The following MDGA2 variants were observed in gnomAD, a reference collection of about 807,000 sequenced individuals.
The protein encoded by MDGA2 is MAM domain-containing glycosylphosphatidylinositol anchor protein 2.
A neutral mutation model predicts 117.8 loss-of-function variants in MDGA2; 40 were observed. The ratio of observed to expected loss-of-function variants is 0.34; its 90% CI spans 0.26 to 0.44. The LOEUF (loss-of-function observed/expected upper bound fraction) is 0.44. Among genes scored for constraint, MDGA2 ranks in the 20% least tolerant of loss-of-function variants. MDGA2 has a pLI of 1.00. For synonymous variants in MDGA2, 452 were observed against 439.0 expected, an observed-to-expected ratio of 1.03 and a Z score of -0.37; for missense variants, 1,123 against 1,250.6, an observed-to-expected ratio of 0.90 and a Z score of 1.54.
chr14:47,601,219 G>A (rs1351514027), intron 1 of MDGA2, among the ~76,000 whole-genome samples: 1 of 152,108 alleles, frequency 6.6e-6, no homozygotes, highest in Non-Finnish European at 1.5e-5. Flanking sequence ...TGAGACAGGA[G>A]GCATGAAGAA....
At chr14:46,967,686 T>C (rs1886089702) in intron 8 of MDGA2, among the ~76,000 whole-genome samples, 1 of 152,138 alleles carries the variant, frequency 6.6e-6, no homozygotes, top group Non-Finnish European at 1.5e-5. Flanking sequence ...CCCTTATCCA[T>C]GCAAGATACA....
At chr14:46,936,010 A>G (rs1279459800) in intron 9 of MDGA2, among the ~76,000 whole-genome samples, 1 of 85,474 alleles carries the variant, frequency 1.2e-5, no homozygotes, top group African/African-American at 7.0e-5. Flanking sequence ...ATAATACTAA[A>G]TAAATAATAA....
At chr14:47,305,731 T>TA (rs2139824790) in intron 1 of MDGA2, among the ~76,000 whole-genome samples, 1 of 152,310 alleles carries the variant, frequency 6.6e-6, no homozygotes, top group African/African-American at 2.4e-5. Flanking sequence ...CTGCACCTGC[T>TA]AAAGGCTTAC....
At chr14:47,025,450 T>C (rs531455711) in intron 8 of MDGA2, among the ~76,000 whole-genome samples, 3 of 152,256 alleles carry the variant, frequency 2.0e-5, no homozygotes, top group African/African-American at 4.8e-5. Flanking sequence ...AGATTTTGGC[T>C]CCTGTGGGGC....
chr14:46,913,157 G>A (rs1331699249), intron 10 of MDGA2, among the ~76,000 whole-genome samples: 1 of 151,900 alleles, frequency 6.6e-6, no homozygotes, highest in South Asian at 2.1e-4. Flanking sequence ...CTATTTTAAC[G>A]TTTTCTTAAT....
chr14:47,206,756 G>A (rs981324335), intron 3 of MDGA2, among the ~76,000 whole-genome samples: 2 of 151,896 alleles, frequency 1.3e-5, no homozygotes, highest in Admixed American at 6.6e-5. Context: ...AGCCATGGCA[G>A]TGTGCACCTG....
At chr14:46,871,954 C>A in intron 14 of MDGA2, 1 of 305,238 alleles carries the variant, frequency 3.3e-6, no homozygotes, top group Non-Finnish European at 6.8e-6. Flanking sequence ...GGCAACATAG[C>A]AAGAGCCTGT....
intron 8 of MDGA2, among the ~76,000 whole-genome samples, chr14:47,017,594 GA>G (rs1223464306): frequency 1.3e-5 from 2 of 150,868 alleles, no homozygotes; most frequent in African/African-American, 4.9e-5. Flanking sequence ...CATTCAGGGG[GA>G]AAAAATACAA....
chr14:47,536,581 A>G (rs1895215444), intron 1 of MDGA2, among the ~76,000 whole-genome samples: 1 of 152,250 alleles, frequency 6.6e-6, no homozygotes, highest in African/African-American at 2.4e-5. Flanking sequence ...ATGGAGAAGA[A>G]TAAGTACCAG....
At chr14:46,921,807 C>A (rs570741451) in intron 9 of MDGA2, among the ~76,000 whole-genome samples, 32 of 152,208 alleles carry the variant, frequency 2.1e-4, no homozygotes, top group Admixed American at 7.8e-4. Flanking sequence ...TAAAAATACA[C>A]ATCCAATACC....
intron 1 of MDGA2, among the ~76,000 whole-genome samples, chr14:47,410,834 A>G (rs1382032390): frequency 2.0e-5 from 3 of 152,208 alleles, no homozygotes; most frequent in Admixed American, 2.0e-4. Flanking sequence ...TTACTAATCG[A>G]ATTAACAAGT....
chr14:47,248,406 ATAGAT>A (rs1197009230), intron 2 of MDGA2, among the ~76,000 whole-genome samples: 1 of 151,726 alleles, frequency 6.6e-6, no homozygotes, highest in African/African-American at 2.4e-5. Context: ...GTTTAGGAAA[ATAGAT>A]TAATGAAAGA....
intron 9 of MDGA2, among the ~76,000 whole-genome samples, chr14:46,927,411 A>G (rs1022005685): frequency 2.0e-5 from 3 of 152,178 alleles, no homozygotes; most frequent in Non-Finnish European, 4.4e-5. Context: ...TAAACATACA[A>G]GCAATACTTA....
intron 2 of MDGA2, among the ~76,000 whole-genome samples, chr14:47,296,687 T>A (rs1274976722): frequency 6.6e-6 from 1 of 152,208 alleles, no homozygotes; most frequent in African/African-American, 2.4e-5. Context: ...GGCTAAATAA[T>A]TCCATTTTGA....
intron 1 of MDGA2, among the ~76,000 whole-genome samples, chr14:47,642,024 C>A (rs1219017916): frequency 1.3e-5 from 2 of 152,066 alleles, no homozygotes; most frequent in African/African-American, 2.4e-5. Flanking sequence ...TTAATTACCT[C>A]ATTCCAAATG....
At chr14:47,181,689 T>G (rs1594702534) in intron 3 of MDGA2, among the ~76,000 whole-genome samples, 1 of 152,236 alleles carries the variant, frequency 6.6e-6, no homozygotes, top group African/African-American at 2.4e-5. Flanking sequence ...CTCAATTATT[T>G]TTTTTCCTAC....
chr14:47,374,857 T>C (rs532578116), intron 1 of MDGA2, among the ~76,000 whole-genome samples: 190 of 152,098 alleles, frequency 1.2e-3, no homozygotes, highest in Admixed American at 2.3e-3. Flanking sequence ...TAAGAGAGTT[T>C]AAATATAAAA....
At chr14:46,902,397 C>T (rs1001406788) in intron 10 of MDGA2, among the ~76,000 whole-genome samples, 1 of 152,106 alleles carries the variant, frequency 6.6e-6, no homozygotes, top group African/African-American at 2.4e-5. Context: ...TCCCTCACTA[C>T]AGGGAAGAAT....
At chr14:47,168,163 G>C (rs553055391) in intron 3 of MDGA2, among the ~76,000 whole-genome samples, 90 of 151,056 alleles carry the variant, frequency 6.0e-4, no homozygotes, top group African/African-American at 2.1e-3. Context: ...GAAGGAGTTT[G>C]CTTTTCCTCT....
Sources: allele counts gnomAD v4.1 joint callset (sites outside exome capture counted in the v4.1 genomes callset), GRCh38; gene constraint gnomAD v4.1.1; transcripts MANE v1.5; gene names NCBI Gene and HGNC (gene_info 2026-07-23, HGNC 2026-07-21).